Variants in RUFY4 observed in about 807,000 individuals in gnomAD.
The protein encoded by RUFY4 is RUN and FYVE domain-containing protein 4.
In RUFY4, 73 loss-of-function variants were observed where a neutral mutation model predicts 69.0. The ratio of observed to expected loss-of-function variants is 1.06; its 90% CI spans 0.88 to 1.29. The LOEUF (loss-of-function observed/expected upper bound fraction) is 1.29. Among genes scored for constraint, RUFY4 ranks in the 50% most tolerant of loss-of-function variants. The pLI is 0.00. For missense variants in RUFY4, 770 were observed against 705.6 expected, an observed-to-expected ratio of 1.09 and a Z score of -1.03; for synonymous variants, 287 against 271.8, an observed-to-expected ratio of 1.06 and a Z score of -0.55.
chr2:218,066,341 A>T (rs1423524915), upstream of RUFY4, among the ~76,000 whole-genome samples: 5 of 150,754 alleles, frequency 3.3e-5, no homozygotes, highest in Middle Eastern at 3.2e-3. Flanking sequence ...CTGCAACCAC[A>T]CTCAGCTAAT....
chr2:218,039,025 C>T (rs1959021538), intron 2 of RUFY4, among the ~76,000 whole-genome samples: 1 of 152,116 alleles, frequency 6.6e-6, no homozygotes, highest in African/African-American at 2.4e-5. Flanking sequence ...TTTAGACCAT[C>T]CTCATCCAAT....
chr2:218,060,280 G>A (rs1689151296), intron 3 of RUFY4: 6 of 1,440,832 alleles, frequency 4.2e-6, no homozygotes, highest in Non-Finnish European at 5.6e-6. Flanking sequence ...CATGAGGCTT[G>A]GAATGTGACT....
intron 2 of RUFY4, among the ~76,000 whole-genome samples, chr2:218,050,055 ACT>A (rs1688910451): frequency 6.6e-6 from 1 of 151,900 alleles, no homozygotes; most frequent in Admixed American, 6.6e-5. Context: ...CATCTCACCC[ACT>A]CTCTCTTGAT....
chr2:218,039,558 G>C (rs1037603937), intron 2 of RUFY4, among the ~76,000 whole-genome samples: 4 of 152,174 alleles, frequency 2.6e-5, no homozygotes, highest in East Asian at 1.9e-4. Context: ...AGTATAGTAG[G>C]GTTCATGTTA....
At chr2:218,062,277 G>A (rs1418481498) in intron 3 of RUFY4, among the ~76,000 whole-genome samples, 1 of 151,608 alleles carries the variant, frequency 6.6e-6, no homozygotes, top group East Asian at 1.9e-4. Flanking sequence ...ATGGTGGCGG[G>A]CACCTGTAGT....
intron 9 of RUFY4, among the ~76,000 whole-genome samples, chr2:218,085,669 C>T (rs1008763047): frequency 6.6e-6 from 1 of 152,194 alleles, no homozygotes; most frequent in Non-Finnish European, 1.5e-5. Context: ...CAATCCATAC[C>T]TGCTGCCTTC....
Position 218,057,826 on chromosome 2 carries a change from T to G in RUFY4, c.-1157-769T>G, listed in dbSNP as rs144548594. 3.9e-5 allele frequency among the ~76,000 whole-genome samples: 6 copies of G among 152,352 alleles called. No individual in the cohort carries two copies. In the South Asian group the frequency reaches 1.2e-3, roughly 32 times the overall value. ...CTGGCTTCTTCCACTTAGCAGAATG[T>G]TTTTAGCTTTGACTTTAAACTACTG... On this transcript the variant is annotated intron_variant and NMD_transcript_variant, in intron 2 of 13. Transcript: ENST00000457754.
At chr2:218,075,705 G>C in exon 7 of RUFY4, 1 of 1,457,010 alleles carries the variant, frequency 6.9e-7, no homozygotes, top group Non-Finnish European at 9.1e-7. Flanking sequence ...CAGAAGGGAG[G>C]AGCAAGCCGA....
chr2:218,090,189 A>C (rs1689999496), exon 11 of RUFY4: 1 of 475,596 alleles, frequency 2.1e-6, no homozygotes, highest in South Asian at 1.8e-5. Flanking sequence ...CTAAGGCACC[A>C]GCACTTCTGT....
chr2:218,062,015 C>A (rs1403933344), intron 3 of RUFY4, among the ~76,000 whole-genome samples: 1 of 152,156 alleles, frequency 6.6e-6, no homozygotes, highest in Non-Finnish European at 1.5e-5. Flanking sequence ...ATAGAAGAAT[C>A]TTCAGTTAAT....
At chr2:218,077,153 T>C (rs1689653675) in intron 8 of RUFY4, among the ~76,000 whole-genome samples, 1 of 152,118 alleles carries the variant, frequency 6.6e-6, no homozygotes, top group Admixed American at 6.6e-5. Context: ...GGAGCTGAGA[T>C]TCAAGGCCTG....
At chr2:218,080,320 C>A (rs1427284254) in intron 8 of RUFY4, among the ~76,000 whole-genome samples, 6 of 152,204 alleles carry the variant, frequency 3.9e-5, no homozygotes, top group Admixed American at 3.9e-4. Flanking sequence ...GGTAGAAGTC[C>A]CGTGCAGAGC....
chr2:218,062,318 A>C (rs748796349), intron 3 of RUFY4, among the ~76,000 whole-genome samples: 8 of 151,400 alleles, frequency 5.3e-5, no homozygotes, highest in Non-Finnish European at 1.2e-4. Context: ...AGACAGGAGA[A>C]TGGCGTGAAC....
chr2:218,036,957 A>G (rs1299502414), intron 2 of RUFY4, among the ~76,000 whole-genome samples: 1 of 152,188 alleles, frequency 6.6e-6, no homozygotes, highest in Non-Finnish European at 1.5e-5. Context: ...GTTCTTTGTA[A>G]TTCCATGGGA....
chr2:218,075,288 T>G, exon 7 of RUFY4: 1 of 1,601,526 alleles, frequency 6.2e-7, no homozygotes, highest in Non-Finnish European at 8.5e-7. Flanking sequence ...CCAGAGCATG[T>G]GGGAGCCAGA....
At chr2:218,073,943 A>G (rs1689559145) in intron 6 of RUFY4, 58 bp downstream of exon 8, 1 of 1,547,588 alleles carries the variant, frequency 6.5e-7, no homozygotes, top group Middle Eastern at 1.7e-4. Flanking sequence ...TGGCATCCTC[A>G]AGTTGAGTAG....
chr2:218,072,652 C>T, intron 3 of RUFY4, 127 bp from the exon 6 acceptor site: 1 of 1,306,588 alleles, frequency 7.7e-7, no homozygotes, highest in Non-Finnish European at 1.0e-6. Context: ...ACACCCTTTT[C>T]CTCCCATGGC....
In RUFY4 at chr2:218,090,025, G is replaced by A. The variant is rs760063589; in HGVS notation, c.1687G>A (p.Ala563Thr). 56 of 1,557,210 alleles carry A rather than the reference G, an allele frequency of 3.6e-5. No homozygotes were observed. The highest frequency in any genetic ancestry group is 6.8e-5 in the African/African-American group (5 of 73,444). Residue 563 changes from alanine to threonine, a missense_variant, in exon 11 of 11, where the codon GCC (alanine) becomes ACC (threonine). Ala to Thr is a moderately conservative substitution (Grantham distance 58, BLOSUM62 0). Transcript: ENST00000344321. Reference sequence around the variant, plus strand: ...GAGAGACCGCTGCTGCCCACCCTGCGCCCAGGGAAGAGAAGCCCAGGTCAC... The same window carrying A: ...GAGAGACCGCTGCTGCCCACCCTGCACCCAGGGAAGAGAAGCCCAGGTCAC...
At chr2:218,078,456 C>G (rs1214909996) in intron 8 of RUFY4, among the ~76,000 whole-genome samples, 1 of 152,002 alleles carries the variant, frequency 6.6e-6, no homozygotes, top group Non-Finnish European at 1.5e-5. Context: ...CTTCCGGGCC[C>G]CAGTAGAGTG....
Sources: gnomAD v4.1 joint callset for allele counts (sites outside exome capture counted in the v4.1 genomes callset) on GRCh38, gnomAD v4.1.1 for gene constraint, MANE v1.5 for transcripts, NCBI Gene and HGNC (gene_info 2026-07-23, HGNC 2026-07-21) for gene names.